GPHN: variants seen among roughly 807,000 people sequenced by gnomAD.
GPHN encodes the protein gephyrin.
Under a neutral mutation model 95.5 loss-of-function variants are expected in GPHN, and 17 were observed. The observed-to-expected ratio is 0.18, with a 90% confidence interval of 0.12 to 0.27. The LOEUF (loss-of-function observed/expected upper bound fraction) is 0.27, where lower values mean the gene tolerates loss of function less well. GPHN is among the 10% of genes least tolerant of loss of function. The pLI, the probability that GPHN is intolerant of heterozygous loss-of-function variation, is 1.00. For missense variants in GPHN, 660 were observed against 978.1 expected (o/e 0.67, Z 4.34); for synonymous variants, 320 against 322.5 (o/e 0.99, Z 0.08).
intron 2 of GPHN, among the ~76,000 whole-genome samples, chr14:66,736,908 T>C (rs2072344005): frequency 6.6e-6 from 1 of 152,168 alleles, no homozygotes; most frequent in African/African-American, 2.4e-5. Context: ...TGCTGAATTC[T>C]ATATCACTTC....
At chr14:67,688,196 C>A in the GPHN span, among the ~76,000 whole-genome samples, 4 of 152,144 alleles carry the variant, frequency 2.6e-5, no homozygotes. Context: ...TAAGGTCCCC[C>A]CAAGACTCCC....
intron 18 of GPHN, among the ~76,000 whole-genome samples, chr14:67,151,979 C>G (rs2081313180): frequency 6.6e-6 from 1 of 152,030 alleles, no homozygotes; most frequent in Non-Finnish European, 1.5e-5. Flanking sequence ...AAGTGTACTT[C>G]TCTGCCAATG....
chr14:67,633,210 G>C, the GPHN span, among the ~76,000 whole-genome samples: 1 of 152,120 alleles, frequency 6.6e-6, no homozygotes, highest in South Asian at 2.1e-4. Flanking sequence ...TTTTAAGTTT[G>C]AGTTGAATTC....
chr14:66,777,860 C>G (rs1041786594), intron 3 of GPHN, among the ~76,000 whole-genome samples: 5 of 152,126 alleles, frequency 3.3e-5, no homozygotes, highest in Non-Finnish European at 7.4e-5. Context: ...AACCAACAGC[C>G]AATATCATAC....
At chr14:67,333,304 C>T in the GPHN span, 1 of 173,320 alleles carries the variant, frequency 5.8e-6, no homozygotes, top group Admixed American at 5.9e-5. Flanking sequence ...CACAAGCGTC[C>T]ATGTCTCACA....
At chr14:67,238,950 A>G in the GPHN span, among the ~76,000 whole-genome samples, 1 of 152,076 alleles carries the variant, frequency 6.6e-6, no homozygotes, top group African/African-American at 2.4e-5. Flanking sequence ...GCCATAACTA[A>G]TATTTTTATA....
At chr14:66,962,979 A>G (rs1326024691) in intron 8 of GPHN, among the ~76,000 whole-genome samples, 1 of 151,936 alleles carries the variant, frequency 6.6e-6, no homozygotes. Flanking sequence ...GTTACCCCAT[A>G]CATCCTTATC....
chr14:67,469,914 G>A, the GPHN span, among the ~76,000 whole-genome samples: 43 of 152,274 alleles, frequency 2.8e-4, no homozygotes, highest in African/African-American at 9.9e-4. Context: ...GGTCATGGCT[G>A]GTGTTTCCAG....
chr14:67,285,223 A>G, the GPHN span, among the ~76,000 whole-genome samples: 760 of 152,336 alleles, frequency 5.0e-3, 4 homozygotes, highest in African/African-American at 0.017. Context: ...ACAGGTTAAA[A>G]GAGTTGGAAT....
chr14:66,956,970 G>T (rs370838883), intron 8 of GPHN, among the ~76,000 whole-genome samples: 2,960 of 110,628 alleles, frequency 0.027, 46 homozygotes, highest in Non-Finnish European at 0.038. Flanking sequence ...GTTGTGGGGT[G>T]GGGGGAGGGG....
intron 1 of GPHN, among the ~76,000 whole-genome samples, chr14:66,548,932 A>C (rs529627151): frequency 2.6e-5 from 4 of 152,322 alleles, no homozygotes; most frequent in Admixed American, 2.0e-4. Context: ...ACAAATTTTC[A>C]TATTTCAGTT....
the GPHN span, chr14:67,395,543 A>C: frequency 1.2e-6 from 2 of 1,614,126 alleles, no homozygotes; most frequent in Non-Finnish European, 1.7e-6. Context: ...GGCCTCCAGG[A>C]AGTACTCCGT....
At chr14:67,059,072 A>G (rs1443330078) in intron 11 of GPHN, 3 of 517,274 alleles carry the variant, frequency 5.8e-6, no homozygotes, top group Non-Finnish European at 1.0e-5. Flanking sequence ...GAAAATACCA[A>G]TACTGCAAAC....
chr14:67,237,306 CAA>C, the GPHN span, among the ~76,000 whole-genome samples: 1 of 151,900 alleles, frequency 6.6e-6, no homozygotes, highest in South Asian at 2.1e-4. Context: ...TAGTGAAAGC[CAA>C]GTTATGAAAA....
At chr14:67,253,981 T>A in the GPHN span, among the ~76,000 whole-genome samples, 1 of 151,130 alleles carries the variant, frequency 6.6e-6, no homozygotes, top group Non-Finnish European at 1.5e-5. Context: ...TTTTCCATTT[T>A]GAGTAATGGA....
chr14:67,013,601 T>G (rs2073133442), intron 9 of GPHN, among the ~76,000 whole-genome samples: 2 of 152,030 alleles, frequency 1.3e-5, no homozygotes, highest in African/African-American at 4.8e-5. Context: ...TCTACACACT[T>G]TCTAAGCTCT....
chr14:66,667,649 A>G (rs1262396869), intron 1 of GPHN, among the ~76,000 whole-genome samples: 1 of 152,224 alleles, frequency 6.6e-6, no homozygotes, highest in Non-Finnish European at 1.5e-5. Context: ...ACAAGAATTA[A>G]TTCAAGGTGG....
At chr14:66,869,958 A>G (rs950414846) in intron 4 of GPHN, among the ~76,000 whole-genome samples, 1 of 152,160 alleles carries the variant, frequency 6.6e-6, no homozygotes, top group Non-Finnish European at 1.5e-5. Flanking sequence ...TTATTCAACA[A>G]ATATTTGTTG....
At chr14:67,582,995 C>T in the GPHN span, among the ~76,000 whole-genome samples, 2 of 152,314 alleles carry the variant, frequency 1.3e-5, no homozygotes, top group South Asian at 2.1e-4. The surrounding 1 kb of genome is among the most constrained non-coding windows in gnomAD (Gnocchi z 5.0). Flanking sequence ...AACACACATT[C>T]AGACTTGGAC....
Sources: gnomAD v4.1 joint callset for allele counts (sites outside exome capture counted in the v4.1 genomes callset) on GRCh38, gnomAD v4.1.1 for gene constraint, Gnocchi (gnomAD v3.1) non-coding constraint, MANE v1.5 for transcripts, NCBI Gene and HGNC (gene_info 2026-07-23, HGNC 2026-07-21) for gene names.